The following DDHD1 variants were observed in gnomAD, a reference collection of about 807,000 sequenced individuals.
DDHD1 encodes DDHD domain containing 1, also known as phospholipase DDHD1.
A neutral mutation model predicts 96.4 loss-of-function variants in DDHD1; 49 were observed. That is an observed-to-expected ratio of 0.51 (90% CI 0.40 to 0.64). DDHD1 has a LOEUF of 0.64. Ranked by LOEUF, DDHD1 falls within the 30% of genes least tolerant of loss-of-function variation. The pLI is 0.00. For synonymous variants in DDHD1, 442 were observed against 446.5 expected (o/e 0.99, Z 0.13); for missense variants, 1,106 against 1,161.2 (o/e 0.95, Z 0.69).
At position 53,037,822 on chromosome 14, in the gene DDHD1, T is replaced by C. The variant is rs1326829597; in HGVS notation, c.*8946A>G. 6.6e-6 allele frequency: 1 copy of C among 152,102 alleles called. No homozygotes were observed. Among genetic ancestry groups the C allele is most frequent in the East Asian group, 1.9e-4 (1 of 5,190 alleles). The allele number at this position is 152,102 out of a possible 1,614,324, so 9.4% of individuals were successfully genotyped here. A position where few individuals can be genotyped will look rare whatever the true frequency, so the allele number is the denominator to read the frequency against. On this transcript the variant is annotated 3_prime_UTR_variant, in exon 13 of 13. Coordinates refer to ENST00000673822, the MANE Select transcript of DDHD1 (RefSeq NM_001160148.2). ...TTGCCAAGGCTGATGTTGATAAGGG[T>C]ATTTCCTAGGTTTTCTTCTAGGATT...
chr14:53,078,600 C>T (rs916210618), intron 4 of DDHD1, among the ~76,000 whole-genome samples: 1 of 152,046 alleles, frequency 6.6e-6, no homozygotes, highest in Non-Finnish European at 1.5e-5. Flanking sequence ...CTTCACTGTC[C>T]TTTGAAGAAC....
chr14:53,142,197 T>C (rs1305368756), intron 1 of DDHD1, among the ~76,000 whole-genome samples: 1 of 152,210 alleles, frequency 6.6e-6, no homozygotes, highest in African/African-American at 2.4e-5. Context: ...CTAAGGGAAT[T>C]TGACAACAAA....
chr14:53,059,124 A>G (rs1158143826), intron 8 of DDHD1, among the ~76,000 whole-genome samples: 1 of 152,250 alleles, frequency 6.6e-6, no homozygotes, highest in Non-Finnish European at 1.5e-5. Flanking sequence ...GGCCAGTAAA[A>G]GACGAGAAAG....
rs1219856160 is a variant in DDHD1, at chr14:53,046,799, T to C, written c.2672A>G (p.Asp891Gly). ...LTFMYKHEHD[D>G]DAKPNLDPI ...TGGATCTAAATTGGGTTTTGCATCA[T>C]CATCGTGCTCATGTTTATACATGAA... Residue 891 changes from aspartate (D) to glycine (G), a missense_variant, in exon 13 of 13, where the codon GAT becomes GGT. Physicochemically the swap from Asp to Gly is moderately conservative, Grantham distance 94 (BLOSUM62 -1). Around this residue, in one of 2 missense-constraint regions of DDHD1, gnomAD observed 650 missense variants for 758.8 expected, o/e 0.86. Transcript: ENST00000673822. 3 of 1,609,404 alleles carry C rather than the reference T, an allele frequency of 1.9e-6. No homozygotes were observed. The highest frequency in any genetic ancestry group is 8.5e-7 in the Non-Finnish European group (1 of 1,178,122).
intron 1 of DDHD1, among the ~76,000 whole-genome samples, chr14:53,121,680 A>C (rs575877981): frequency 1.3e-5 from 2 of 152,320 alleles, no homozygotes; most frequent in African/African-American, 4.8e-5. Context: ...CAGGAACAGA[A>C]AACCAAATAC....
chr14:53,125,618 C>A (rs954497858), intron 1 of DDHD1, among the ~76,000 whole-genome samples: 1 of 152,056 alleles, frequency 6.6e-6, no homozygotes, highest in East Asian at 1.9e-4. Context: ...TCTTTCTACT[C>A]TACATATTTT....
At chr14:53,070,920 A>G (rs1884455778) in intron 6 of DDHD1, among the ~76,000 whole-genome samples, 1 of 152,162 alleles carries the variant, frequency 6.6e-6, no homozygotes. Context: ...CCCAGAGAAA[A>G]CATCGAACCC....
chr14:53,085,079 T>A (rs1377335598), intron 4 of DDHD1, among the ~76,000 whole-genome samples: 1 of 152,224 alleles, frequency 6.6e-6, no homozygotes, highest in African/African-American at 2.4e-5. Context: ...AAGGGGCATC[T>A]GCCATTGCTG....
intron 4 of DDHD1, among the ~76,000 whole-genome samples, chr14:53,084,261 C>G (rs550775508): frequency 1.4e-4 from 21 of 152,138 alleles, no homozygotes; most frequent in Non-Finnish European, 2.5e-4. Context: ...GCAGATAAAA[C>G]TGGATTTTGA....
chr14:53,125,028 T>G (rs1889324138), intron 1 of DDHD1, among the ~76,000 whole-genome samples: 1 of 152,070 alleles, frequency 6.6e-6, no homozygotes. Context: ...TCCCTCCTCT[T>G]GTGAAGACAC....
chr14:53,095,376 C>T (rs116374787), intron 2 of DDHD1, among the ~76,000 whole-genome samples: 91 of 152,194 alleles, frequency 6.0e-4, no homozygotes, highest in African/African-American at 2.1e-3. Flanking sequence ...CTGAAAATAA[C>T]CTCAAGCTAA....
intron 2 of DDHD1, among the ~76,000 whole-genome samples, chr14:53,094,046 G>A (rs1055977916): frequency 1.3e-5 from 2 of 152,006 alleles, no homozygotes; most frequent in African/African-American, 4.8e-5. Flanking sequence ...GTGTGGTGGC[G>A]GGCGCCTGTA....
Position 53,037,150 on chromosome 14 carries a change from C to G in DDHD1, c.*9618G>C, listed in dbSNP as rs554637515. The G allele has an allele frequency of 2.0e-5, 3 of 152,232 alleles. No homozygotes were observed. The South Asian group carries it at 6.2e-4, about 32-fold the overall frequency. 9.4% of individuals were successfully genotyped at this position (152,232 alleles called of 1,614,324 possible). A position where few individuals can be genotyped will look rare whatever the true frequency, so the allele number is the denominator to read the frequency against. On this transcript the variant is annotated 3_prime_UTR_variant, in exon 13 of 13. Transcript: ENST00000673822. ...CCTAATACTCCATGATTTATATGTACCACATTTTCTTTATCCAGTCCACTG... is the reference window on the plus strand; with the variant it reads ...CCTAATACTCCATGATTTATATGTAGCACATTTTCTTTATCCAGTCCACTG...
intron 5 of DDHD1, among the ~76,000 whole-genome samples, 158 bp from the exon 6 acceptor site, chr14:53,072,861 T>C (rs916334118): frequency 6.6e-6 from 1 of 151,044 alleles, no homozygotes; most frequent in Non-Finnish European, 1.5e-5. Flanking sequence ...TCCCTTCCTA[T>C]AAAATACTTC....
intron 4 of DDHD1, among the ~76,000 whole-genome samples, chr14:53,080,558 TA>T (rs1337943969): frequency 3.3e-5 from 5 of 151,984 alleles, no homozygotes; most frequent in South Asian, 2.1e-4. Context: ...CTTTGCCATA[TA>T]TTTTTTTTCC....
At chr14:53,141,131 C>T (rs1230534994) in intron 1 of DDHD1, among the ~76,000 whole-genome samples, 2 of 152,160 alleles carry the variant, frequency 1.3e-5, no homozygotes, top group East Asian at 3.9e-4. Flanking sequence ...AGACTTTATC[C>T]TTCTCCTCAC....
At chr14:53,055,381 C>G (rs1460298361) in intron 10 of DDHD1, among the ~76,000 whole-genome samples, 1 of 152,172 alleles carries the variant, frequency 6.6e-6, no homozygotes, top group Admixed American at 6.5e-5. Flanking sequence ...GATCTCACAG[C>G]AAGTGGTAGG....
rs150832624 is a variant in DDHD1, at chr14:53,121,293, G to T, written c.839-17437C>A. On this transcript the variant is annotated intron_variant, in intron 1 of 12. Coordinates refer to ENST00000673822, the MANE Select transcript of DDHD1 (RefSeq NM_001160148.2). ...AAGTCAGGAAACAACAGATGCTGGT[G>T]AGGCTGTGGAGAAATAGGAACACTT... Among the ~76,000 whole-genome samples the T allele has an allele frequency of 3.3e-3, 508 of 152,348 alleles. 3 individuals carry two copies. Among genetic ancestry groups the T allele is most frequent in the Middle Eastern group, 0.01 (3 of 294 alleles).
Position 53,073,845 on chromosome 14 carries a change from A to G in DDHD1, c.1292T>C (p.Met431Thr), listed in dbSNP as rs956579171. The G allele has an allele frequency of 6.2e-7, 1 of 1,608,774 alleles. No individual in the cohort carries two copies. Among genetic ancestry groups the G allele is most frequent in the East Asian group, 2.2e-5 (1 of 44,784 alleles). The stretch of plus-strand genomic sequence containing the variant: ...TTCTATTTTTCTTGCAGCTTCTCTC[A>G]TCCTAAAAAAACAAACAAACAAAAA... ...QGRIIKNTAM[M>T]REAARKIEER... The change falls in exon 5 of 13, where the codon ATG (methionine) becomes ACG (threonine). Residue 431 changes from methionine (M) to threonine (T), a missense_variant and splice_region_variant. By Grantham distance (81) the Met-to-Thr change is moderately conservative (BLOSUM62 -1). Coordinates refer to ENST00000673822, the MANE Select transcript of DDHD1 (RefSeq NM_001160148.2).
Sources: gnomAD v4.1 joint callset for allele counts (sites outside exome capture counted in the v4.1 genomes callset) on GRCh38, gnomAD v4.1.1 for gene constraint, gnomAD v4.1.1 regional missense constraint, MANE v1.5 for transcripts, NCBI Gene and HGNC (gene_info 2026-07-23, HGNC 2026-07-21) for gene names.